The following THOC2 variants were observed in gnomAD, a reference collection of about 807,000 sequenced individuals.
THOC2 encodes THO complex 2.
In THOC2, 10 loss-of-function variants were observed where a neutral mutation model predicts 128.4. The ratio of observed to expected loss-of-function variants is 0.08; its 90% CI spans 0.05 to 0.13. The LOEUF (loss-of-function observed/expected upper bound fraction) is 0.13. THOC2 is among the 10% of genes least tolerant of loss of function. THOC2 has a pLI of 1.00. For synonymous variants in THOC2, 393 were observed against 396.9 expected, an observed-to-expected ratio of 0.99 and a Z score of 0.12; for missense variants, 535 against 1,155.7, an observed-to-expected ratio of 0.46 and a Z score of 7.79.
At position 123,624,524 on chromosome X, in the gene THOC2, G is replaced by GT. The variant is rs1215460457; in HGVS notation, c.3186+16dup. 2 of 1,196,515 alleles carry GT rather than the reference G, an allele frequency of 1.7e-6. No homozygotes were observed. The highest frequency in any genetic ancestry group is 1.8e-5 in the African/African-American group (1 of 56,775). ...TTATATACATGGGTAAAATATAAGG[G>GT]TTTTTATTAGTCATACCTTTTCATA... On this transcript the variant is annotated intron_variant, in intron 26 of 38. Coordinates refer to ENST00000245838, the MANE Select transcript of THOC2 (RefSeq NM_001081550.2).
intron 4 of THOC2, among the ~76,000 whole-genome samples, chrX:123,698,743 C>A (rs2050555859): frequency 9.3e-6 from 1 of 108,020 alleles, no homozygotes; most frequent in South Asian, 4.1e-4. Context: ...GGCTCAGTGG[C>A]ACACATCTGT....
intron 8 of THOC2, among the ~76,000 whole-genome samples, chrX:123,686,311 G>A (rs959953084): frequency 9.0e-6 from 1 of 111,368 alleles, no homozygotes; most frequent in Non-Finnish European, 1.9e-5. Flanking sequence ...AGTCTTCCCT[G>A]ACTCCACCTC....
intron 1 of THOC2, among the ~76,000 whole-genome samples, chrX:123,720,518 G>A (rs186752193): frequency 1.8e-3 from 204 of 111,793 alleles, no homozygotes; most frequent in Non-Finnish European, 3.0e-3. Flanking sequence ...CTCAAAAAAT[G>A]AAAAGTAGAG....
chrX:123,721,303 G>A (rs2051684534), intron 1 of THOC2, among the ~76,000 whole-genome samples: 1 of 109,001 alleles, frequency 9.2e-6, no homozygotes, highest in Non-Finnish European at 1.9e-5. Flanking sequence ...ATCCTGAGTA[G>A]CTGGGATTAC....
rs745880898 is a variant in THOC2, at chrX:123,631,217, T to C, written c.2481+471A>G. 2.2e-3 allele frequency among the ~76,000 whole-genome samples: 246 copies of C among 111,962 alleles called. 1 individual carries two copies. The highest frequency in any genetic ancestry group is 7.7e-3 in the African/African-American group (237 of 30,865). The stretch of plus-strand genomic sequence containing the variant: ...GAAATCAGGTACCCTCTTGCACAGC[T>C]GAGACTGATCTACCATGGGGTGTGA... On this transcript the variant is annotated intron_variant, in intron 22 of 38. Coordinates refer to ENST00000245838, the MANE Select transcript of THOC2 (RefSeq NM_001081550.2).
rs760784638 is a variant in THOC2 at position 123,631,744 on chromosome X, T to C, written c.2425A>G (p.Thr809Ala). ...SIDVLCNEFHTPHDAAFFLSR... is the reference protein window; with the variant it reads ...SIDVLCNEFHAPHDAAFFLSR... ...AGGAAAAATGCTGCATCATGGGGTG[T>C]ATGAAATTCATTACAGAGTACATCA... The change falls in exon 22 of 39, where the codon ACA (threonine) becomes GCA (alanine). Residue 809 changes from threonine to alanine, a missense_variant. Thr to Ala is a moderately conservative substitution (Grantham distance 58). Coordinates refer to ENST00000245838, the MANE Select transcript of THOC2 (RefSeq NM_001081550.2). 1.6e-5 allele frequency: 19 copies of C among 1,210,093 alleles called. No homozygotes were observed. The highest frequency in any genetic ancestry group is 1.9e-5 in the Non-Finnish European group (17 of 894,013).
chrX:123,628,439 T>C (rs2147620081), intron 22 of THOC2, among the ~76,000 whole-genome samples: 1 of 111,803 alleles, frequency 8.9e-6, no homozygotes, highest in African/African-American at 3.2e-5. Context: ...ATGCAGACCC[T>C]ACCAACTGTT....
chrX:123,610,823 G>A, intron 38 of THOC2, 95 bp downstream of exon 38: 1 of 760,453 alleles, frequency 1.3e-6, no homozygotes, highest in Admixed American at 3.2e-5. Context: ...AAAACAAGTA[G>A]TTGTAGCTTG....
intron 7 of THOC2, among the ~76,000 whole-genome samples, chrX:123,695,175 T>C (rs2050401971): frequency 9.0e-6 from 1 of 111,264 alleles, no homozygotes; most frequent in African/African-American, 3.3e-5. Flanking sequence ...TAAGCACCCC[T>C]AAGATACAAC....
rs780764917 is a variant in THOC2 at position 123,661,049 on chromosome X, G to A, written c.1386+4593C>T. On this transcript the variant is annotated intron_variant, in intron 12 of 38. Coordinates refer to ENST00000245838, the MANE Select transcript of THOC2 (RefSeq NM_001081550.2). ...ATGGAACTGAAGGTCTTTATGTTAA[G>A]TGAAATAAGCCAGGCACAGAAAGAC... is the stretch of plus-strand genomic sequence containing the variant. Among the ~76,000 whole-genome samples the A allele has an allele frequency of 1.2e-4, 13 of 112,551 alleles. No individual in the cohort carries two copies. In the South Asian group the frequency reaches 4.4e-3, roughly 38 times the overall value.
rs773323309 is a variant in THOC2, at chrX:123,620,957, G to A, written c.4225C>T (p.Arg1409Cys). The A allele has an allele frequency of 8.3e-7, 1 of 1,209,148 alleles. No individual in the cohort carries two copies. Among genetic ancestry groups the A allele is most frequent in the Admixed American group, 2.2e-5 (1 of 45,843 alleles). Residue 1409 changes from arginine to cysteine, a missense_variant, in exon 32 of 39, where the codon CGC becomes TGC. Physicochemically the swap from Arg to Cys is radical, Grantham distance 180. Around this residue, in one of 9 missense-constraint regions of THOC2, gnomAD observed 116 missense variants for 180.0 expected, o/e 0.64. Transcript: ENST00000245838. ...DIPEPEREQK[R>C]RKIDTHPSPS... ...GAAGGGTGAGTATCAATTTTGCGGCGTTTTTGTTCTGTTAAGACAAAAAGA... is the reference window on the plus strand; with the variant it reads ...GAAGGGTGAGTATCAATTTTGCGGCATTTTTGTTCTGTTAAGACAAAAAGA...
rs755824379 is a variant in THOC2, at chrX:123,604,916, T to C, written c.*19-3578A>G. Among the ~76,000 whole-genome samples, 606 of 112,134 alleles carry C rather than the reference T, an allele frequency of 5.4e-3. 2 individuals carry two copies. Among genetic ancestry groups the C allele is most frequent in the Non-Finnish European group, 9.8e-3 (519 of 53,209 alleles). ...TTCTCATTCTCTCGTTCTTTTCACA[T>C]AAACCCCAGGTAGAAAGGCATATAA... is the stretch of plus-strand genomic sequence containing the variant. On this transcript the variant is annotated intron_variant, in intron 38 of 38. Transcript: ENST00000245838.
At chrX:123,605,882 C>T (rs1378177529) in intron 38 of THOC2, among the ~76,000 whole-genome samples, 1 of 110,683 alleles carries the variant, frequency 9.0e-6, no homozygotes, top group Admixed American at 9.6e-5. Flanking sequence ...AGGCCAAGAA[C>T]GTGATGAAAA....
chrX:123,703,890 T>TAAAAAAAAAAAAAAAA (rs774877149), intron 3 of THOC2, among the ~76,000 whole-genome samples: 39 of 37,003 alleles, frequency 1.1e-3, no homozygotes, highest in African/African-American at 3.8e-3. Context: ...ACTCTGTCTT[T>TAAAAAAAAAAAAAAAA]AAAAAAAAAA....
chrX:123,605,281 A>C (rs1016512162), intron 38 of THOC2, among the ~76,000 whole-genome samples: 6 of 111,902 alleles, frequency 5.4e-5, no homozygotes, highest in Non-Finnish European at 1.1e-4. Context: ...AAAAAACAGC[A>C]TATAAATGAA....
At chrX:123,619,906 T>C (rs1232106613) in intron 32 of THOC2, 1 of 112,060 alleles carries the variant, frequency 8.9e-6, no homozygotes, top group African/African-American at 3.3e-5. Context: ...AGCTGAAAAA[T>C]TCAGTGGCAT....
At chrX:123,704,637 A>G (rs2147929823) in intron 3 of THOC2, among the ~76,000 whole-genome samples, 1 of 111,696 alleles carries the variant, frequency 9.0e-6, no homozygotes, top group Non-Finnish European at 1.9e-5. Flanking sequence ...AGGCAGGTGG[A>G]TCACAAGGTC....
intron 13 of THOC2, 105 bp downstream of exon 13, chrX:123,645,229 A>G (rs2048075018): frequency 7.1e-6 from 4 of 565,815 alleles, no homozygotes; most frequent in Admixed American, 9.2e-5. Context: ...TACATTATAA[A>G]ACAATTACTC....
At chrX:123,609,070 T>C (rs951832707) in intron 38 of THOC2, among the ~76,000 whole-genome samples, 5 of 112,225 alleles carry the variant, frequency 4.5e-5, no homozygotes, top group African/African-American at 1.3e-4. Flanking sequence ...AACAGAGATA[T>C]ATAAAATCAC....
Sources: allele counts gnomAD v4.1 joint callset (sites outside exome capture counted in the v4.1 genomes callset), GRCh38; gene constraint gnomAD v4.1.1; regional missense constraint gnomAD v4.1.1; transcripts MANE v1.5; gene names NCBI Gene and HGNC (gene_info 2026-07-23, HGNC 2026-07-21).